Variants in NLGN1 observed in about 807,000 individuals in gnomAD.
NLGN1 encodes neuroligin-1.
NLGN1 carries 12 observed loss-of-function variants against 65.5 expected under a neutral mutation model. The ratio of observed to expected loss-of-function variants is 0.18; its 90% CI spans 0.12 to 0.30. The LOEUF (loss-of-function observed/expected upper bound fraction) is 0.30, where lower values mean the gene tolerates loss of function less well. NLGN1 is among the 10% of genes least tolerant of loss of function. NLGN1 has a pLI of 1.00. For synonymous variants in NLGN1, 350 were observed against 359.5 expected (o/e 0.97, Z 0.30); for missense variants, 750 against 1,007.1 (o/e 0.74, Z 3.46).
chr3:173,965,412 G>C (rs749223888), intron 4 of NLGN1, among the ~76,000 whole-genome samples: 6 of 151,744 alleles, frequency 4.0e-5, no homozygotes, highest in Non-Finnish European at 7.4e-5. Context: ...CCACCTCCCG[G>C]GTTCAAGAGA....
intron 4 of NLGN1, among the ~76,000 whole-genome samples, chr3:173,883,772 T>C (rs746297095): frequency 1.1e-4 from 16 of 151,580 alleles, no homozygotes; most frequent in Non-Finnish European, 1.9e-4. Flanking sequence ...CATGATACTT[T>C]CAAAATAATT....
chr3:174,078,466 G>T (rs958549723), intron 4 of NLGN1, among the ~76,000 whole-genome samples: 3 of 152,096 alleles, frequency 2.0e-5, no homozygotes, highest in African/African-American at 7.2e-5. Context: ...ATTATATGTT[G>T]TCTTAATTTT....
intron 3 of NLGN1, among the ~76,000 whole-genome samples, chr3:173,788,667 T>G (rs1231538690): frequency 6.6e-6 from 1 of 151,592 alleles, no homozygotes; most frequent in Non-Finnish European, 1.5e-5. Context: ...TCAAGAAATC[T>G]TACTCCTGCT....
At chr3:174,230,563 T>A (rs1383311734) in intron 4 of NLGN1, among the ~76,000 whole-genome samples, 1 of 152,194 alleles carries the variant, frequency 6.6e-6, no homozygotes, top group Admixed American at 6.5e-5. Flanking sequence ...GGAAAAAAGA[T>A]TTATGCACAA....
At chr3:174,203,545 G>C (rs1296797543) in intron 4 of NLGN1, among the ~76,000 whole-genome samples, 1 of 152,124 alleles carries the variant, frequency 6.6e-6, no homozygotes, top group Non-Finnish European at 1.5e-5. Flanking sequence ...CCATCATCTA[G>C]CATGCTGCTA....
chr3:173,491,721 A>G (rs972246726), intron 2 of NLGN1, among the ~76,000 whole-genome samples: 1 of 151,692 alleles, frequency 6.6e-6, no homozygotes, highest in African/African-American at 2.4e-5. Context: ...TATGACTTCC[A>G]TATCTATATC....
chr3:174,138,676 C>A (rs537654187), intron 4 of NLGN1, among the ~76,000 whole-genome samples: 1 of 151,878 alleles, frequency 6.6e-6, no homozygotes, highest in Non-Finnish European at 1.5e-5. Flanking sequence ...CCTCGTGATC[C>A]GCCCGCCTCG....
chr3:174,066,011 A>G (rs1207085575), intron 4 of NLGN1, among the ~76,000 whole-genome samples: 2 of 152,174 alleles, frequency 1.3e-5, no homozygotes, highest in African/African-American at 2.4e-5. Context: ...AATATAATTG[A>G]AGTTTTGGGT....
At chr3:173,834,820 A>C (rs189087280) in intron 4 of NLGN1, among the ~76,000 whole-genome samples, 89 of 152,308 alleles carry the variant, frequency 5.8e-4, no homozygotes, top group Non-Finnish European at 1.1e-3. Context: ...ATTTATCTCT[A>C]TGTAATCACT....
intron 3 of NLGN1, among the ~76,000 whole-genome samples, chr3:173,736,673 C>A (rs1438470231): frequency 1.3e-5 from 2 of 151,760 alleles, no homozygotes; most frequent in African/African-American, 4.8e-5. Flanking sequence ...ATAATTTTGT[C>A]TTGGAAATTC....
chr3:173,747,187 AATATAT>A (rs1028802011), intron 3 of NLGN1, among the ~76,000 whole-genome samples: 4 of 147,214 alleles, frequency 2.7e-5, no homozygotes, highest in African/African-American at 7.4e-5. Context: ...GTCTCAAAAC[AATATAT>A]ATATAATATA....
At chr3:173,595,607 A>G (rs1418646347) in intron 2 of NLGN1, among the ~76,000 whole-genome samples, 2 of 152,142 alleles carry the variant, frequency 1.3e-5, no homozygotes, top group Non-Finnish European at 2.9e-5. Flanking sequence ...ATTTTTGGGT[A>G]TCTTTTCAGC....
intron 4 of NLGN1, among the ~76,000 whole-genome samples, chr3:174,201,843 A>G (rs1030655414): frequency 1.4e-4 from 21 of 152,114 alleles, no homozygotes; most frequent in Non-Finnish European, 2.5e-4. Context: ...CCCTCTCACC[A>G]TGGTTCTCCT....
chr3:173,488,355 A>G (rs141697050), intron 2 of NLGN1, among the ~76,000 whole-genome samples: 17 of 151,858 alleles, frequency 1.1e-4, no homozygotes, highest in African/African-American at 3.4e-4. Context: ...CTCTATGTGG[A>G]CATATTTTTC....
At chr3:173,849,602 A>G (rs901959435) in intron 4 of NLGN1, among the ~76,000 whole-genome samples, 1 of 152,164 alleles carries the variant, frequency 6.6e-6, no homozygotes, top group Non-Finnish European at 1.5e-5. Context: ...TCCTATCTTA[A>G]AGTACTGCTT....
chr3:173,898,209 C>G (rs963497441), intron 4 of NLGN1, among the ~76,000 whole-genome samples: 1 of 152,094 alleles, frequency 6.6e-6, no homozygotes, highest in Non-Finnish European at 1.5e-5. Context: ...AATGTTTTTG[C>G]AATCTTTCAA....
At chr3:173,701,625 A>G (rs530744383) in intron 3 of NLGN1, among the ~76,000 whole-genome samples, 3 of 152,346 alleles carry the variant, frequency 2.0e-5, no homozygotes, top group East Asian at 3.9e-4. Context: ...TTAACAGGAA[A>G]CTAATACACA....
At position 173,774,096 on chromosome 3, in the gene NLGN1, T is replaced by A. The variant is rs542353648; in HGVS notation, c.494-33584T>A. On this transcript the variant is annotated intron_variant, in intron 3 of 6. Transcript: ENST00000457714. The stretch of plus-strand genomic sequence containing the variant: ...AGGGCATATGGGCCACAGTGGAGTC[T>A]GTTTTTTTATTTATAAAGCAATTGA... 5.9e-5 allele frequency among the ~76,000 whole-genome samples: 9 copies of A among 152,330 alleles called. No homozygotes were observed. In the South Asian group the frequency reaches 1.9e-3, roughly 32 times the overall value.
chr3:173,641,931 A>G (rs907713733), intron 3 of NLGN1, among the ~76,000 whole-genome samples: 1 of 152,162 alleles, frequency 6.6e-6, no homozygotes, highest in Non-Finnish European at 1.5e-5. Context: ...ATATGGCTGC[A>G]AAGTCTAAAA....
Sources: allele counts gnomAD v4.1 joint callset (sites outside exome capture counted in the v4.1 genomes callset), GRCh38; gene constraint gnomAD v4.1.1; transcripts MANE v1.5; gene names NCBI Gene and HGNC (gene_info 2026-07-23, HGNC 2026-07-21).